MYT1: variants seen among roughly 807,000 people sequenced by gnomAD.
The protein encoded by MYT1 is myelin transcription factor 1.
In MYT1, 23 loss-of-function variants were observed where a neutral mutation model predicts 123.0. The ratio of observed to expected loss-of-function variants is 0.19; its 90% confidence interval spans 0.13 to 0.26. The LOEUF (loss-of-function observed/expected upper bound fraction) is 0.26. Ranked by LOEUF, MYT1 falls within the 10% of genes least tolerant of loss-of-function variation. The pLI, the probability that MYT1 is intolerant of heterozygous loss-of-function variation, is 1.00. For missense variants in MYT1, 1,125 were observed against 1,472.5 expected (o/e 0.76, Z 3.86); for synonymous variants, 518 against 575.3 (o/e 0.90, Z 1.43).
Position 64,208,025 on chromosome 20 carries a change from G to C in MYT1, c.829G>C (p.Glu277Gln). Reference sequence around the variant, plus strand: ...AGAGGAGGAGGAGGAGGATGAAGAAGAGGAAGAGGAAGAGGAGGAGGAAGA... The same window carrying C: ...AGAGGAGGAGGAGGAGGATGAAGAACAGGAAGAGGAAGAGGAGGAGGAAGA... ...EEEEEEEDEE[E>Q]EEEEEEEEEE... Residue 277 changes from glutamate (E) to glutamine (Q), a missense_variant, in exon 7 of 23, where the codon GAG becomes CAG. Physicochemically the swap from Glu to Gln is conservative, Grantham distance 29 (BLOSUM62 2). Around this residue, in one of 4 missense-constraint regions of MYT1, gnomAD observed 406 missense variants for 432.2 expected, o/e 0.94. Coordinates refer to ENST00000328439, the MANE Select transcript of MYT1 (RefSeq NM_004535.3). The surrounding 1 kb of genome is among the most constrained non-coding windows in gnomAD (Gnocchi z 5.4). 1 of 1,592,048 alleles carries C rather than the reference G, an allele frequency of 6.3e-7. No individual in the cohort carries two copies. Among genetic ancestry groups the C allele is most frequent in the Non-Finnish European group, 8.6e-7 (1 of 1,166,768 alleles).
chr20:64,168,455 C>T lies in MYT1; in HGVS notation c.-99+3716C>T, dbSNP rs143958511. Among the ~76,000 whole-genome samples the T allele has an allele frequency of 7.6e-4, 115 of 152,242 alleles. No individual in the cohort carries two copies. Among genetic ancestry groups the T allele is most frequent in the Middle Eastern group, 3.4e-3 (1 of 294 alleles). On this transcript the variant is annotated intron_variant, in intron 1 of 22. Transcript: ENST00000328439. The surrounding 1 kb of genome is among the most constrained non-coding windows in gnomAD (Gnocchi z 6.1). ...CTTAAAAATGCAATGTTATTTTAAT[C>T]GGGAACGAAAGTAACTCAGCGTGCT... is the stretch of plus-strand genomic sequence containing the variant.
At position 64,197,308 on chromosome 20, in the gene MYT1, G is replaced by C. The variant is rs555393032; in HGVS notation, c.1-1554G>C. ...TTTGCAAATTTCATCTTACTAATTGGGGGAATTCCTTTTTCTTTCTTCCCA... is the reference window on the plus strand; with the variant it reads ...TTTGCAAATTTCATCTTACTAATTGCGGGAATTCCTTTTTCTTTCTTCCCA... On this transcript the variant is annotated intron_variant, in intron 2 of 22. Transcript: ENST00000328439. Among the ~76,000 whole-genome samples the C allele has an allele frequency of 3.3e-5, 5 of 152,260 alleles. No individual in the cohort carries two copies. In the East Asian group the frequency reaches 9.7e-4, roughly 29 times the overall value.
intron 3 of MYT1, among the ~76,000 whole-genome samples, chr20:64,199,686 C>A (rs547880991): frequency 6.6e-6 from 1 of 152,288 alleles, no homozygotes; most frequent in South Asian, 2.1e-4. Flanking sequence ...CTTGGGGGAG[C>A]AGCTCACTCT....
Position 64,202,086 on chromosome 20 carries a change from C to G in MYT1, c.86+2164C>G, listed in dbSNP as rs1983339757. On this transcript the variant is annotated intron_variant, in intron 4 of 22. Coordinates refer to ENST00000328439, the MANE Select transcript of MYT1 (RefSeq NM_004535.3). The surrounding 1 kb of genome is among the most constrained non-coding windows in gnomAD (Gnocchi z 5.0). ...GGAACCCCTGTGTGCAGGACTTTCT[C>G]TGTGGATGACTTAACACTGCATTGG... Among the ~76,000 whole-genome samples the G allele has an allele frequency of 7.0e-6, 1 of 143,208 alleles. No individual in the cohort carries two copies. Among genetic ancestry groups the G allele is most frequent in the Non-Finnish European group, 1.5e-5 (1 of 64,590 alleles). 94.0% of individuals were successfully genotyped at this position (143,208 alleles called of 152,430 possible). A position where few individuals can be genotyped will look rare whatever the true frequency, so the allele number is the denominator to read the frequency against.
rs1169294360 is a variant in MYT1, at chr20:64,193,975, A to T, written c.-1+3815A>T. Among the ~76,000 whole-genome samples the T allele has an allele frequency of 2.0e-5, 3 of 151,840 alleles. No homozygotes were observed. The highest frequency in any genetic ancestry group is 4.4e-5 in the Non-Finnish European group (3 of 67,956). ...CCCCCGTGGTGTCAGAATGCCCGGAACCCCCCAGCTCAGCGTTCCCACATA... is the reference window on the plus strand; with the variant it reads ...CCCCCGTGGTGTCAGAATGCCCGGATCCCCCCAGCTCAGCGTTCCCACATA... On this transcript the variant is annotated intron_variant, in intron 2 of 22. Transcript: ENST00000328439. The surrounding 1 kb of genome is among the most constrained non-coding windows in gnomAD (Gnocchi z 4.0).
At position 64,213,409 on chromosome 20, in the gene MYT1, C is replaced by T; in HGVS notation, c.1518-125C>T. On this transcript the variant is annotated intron_variant, in intron 9 of 22. Coordinates refer to ENST00000328439, the MANE Select transcript of MYT1 (RefSeq NM_004535.3). This position sits in a 1 kb window ranked among gnomAD's most constrained non-coding sequence, Gnocchi z 5.6. ...GGGTTATTCCCGGCTCTGGGCTTCT[C>T]TGGAGTTCACCTGGAGTTCTCACAT... is the stretch of plus-strand genomic sequence containing the variant. 1 of 674,194 alleles carries T rather than the reference C, an allele frequency of 1.5e-6. No homozygotes were observed. Among genetic ancestry groups the T allele is most frequent in the South Asian group, 1.8e-5 (1 of 55,082 alleles). 41.8% of individuals were successfully genotyped at this position (674,194 alleles called of 1,614,324 possible).
Position 64,232,086 on chromosome 20 carries a change from T to C in MYT1, c.2676-78T>C. 1 of 1,466,122 alleles carries C rather than the reference T, an allele frequency of 6.8e-7. No individual in the cohort carries two copies. Among genetic ancestry groups the C allele is most frequent in the Non-Finnish European group, 9.4e-7 (1 of 1,059,782 alleles). The allele number at this position is 1,466,122 out of a possible 1,614,324, so 90.8% of individuals were successfully genotyped here. Reference sequence around the variant, plus strand: ...ACGGCTCTGAGTTGGGCTCCCCTTGTGTCTGGCTTGAGAGAGTCTCCAGGC... The same window carrying C: ...ACGGCTCTGAGTTGGGCTCCCCTTGCGTCTGGCTTGAGAGAGTCTCCAGGC... On this transcript the variant is annotated intron_variant, in intron 18 of 22. Transcript: ENST00000328439. This position sits in a 1 kb window ranked among gnomAD's most constrained non-coding sequence, Gnocchi z 6.9.
Position 64,232,095 on chromosome 20 carries a change from T to TGA in MYT1, c.2676-63_2676-62dup. 6.5e-7 allele frequency: 1 copy of TGA among 1,527,182 alleles called. No homozygotes were observed. Among genetic ancestry groups the TGA allele is most frequent in the Non-Finnish European group, 9.0e-7 (1 of 1,110,660 alleles). 94.6% of individuals were successfully genotyped at this position (1,527,182 alleles called of 1,614,324 possible). A position where few individuals can be genotyped will look rare whatever the true frequency, so the allele number is the denominator to read the frequency against. Reference sequence around the variant, plus strand: ...AGTTGGGCTCCCCTTGTGTCTGGCTTGAGAGAGTCTCCAGGCTTCTCCTCC... The same window carrying TGA: ...AGTTGGGCTCCCCTTGTGTCTGGCTTGAGAGAGAGTCTCCAGGCTTCTCCTCC... On this transcript the variant is annotated intron_variant, in intron 18 of 22. Coordinates refer to ENST00000328439, the MANE Select transcript of MYT1 (RefSeq NM_004535.3). The surrounding 1 kb of genome is among the most constrained non-coding windows in gnomAD (Gnocchi z 6.9).
At position 64,227,906 on chromosome 20, in the gene MYT1, T is replaced by C. The variant is rs774345679; in HGVS notation, c.2610T>C (p.Arg870=). Residue 870 remains arginine (R), a synonymous_variant, in exon 18 of 23, where the codon CGT becomes CGC. Transcript: ENST00000328439. ...ASHRSLSGCP[R]AKKSGVKVAP... ...AAATCAGCTTGTCCGGCTGCCCTCG[T>C]GCAAAGAAAAGTGGAGTCAAGGTGG... The C allele has an allele frequency of 2.7e-5, 44 of 1,613,302 alleles. No individual in the cohort carries two copies. The highest frequency in any genetic ancestry group is 5.1e-6 in the Non-Finnish European group (6 of 1,179,798).
rs1278477894 is a variant in MYT1 at position 64,170,928 on chromosome 20, G to T, written c.-99+6189G>T. ...AGAGAGAGAGAGAGAGAGAGAGAGA[G>T]AGAGAGACGGAGTCTTGCTCTGTTG... On this transcript the variant is annotated intron_variant, in intron 1 of 22. Coordinates refer to ENST00000328439, the MANE Select transcript of MYT1 (RefSeq NM_004535.3). 1.9e-4 allele frequency among the ~76,000 whole-genome samples: 26 copies of T among 133,996 alleles called. 1 individual carries two copies. The highest frequency in any genetic ancestry group is 7.4e-4 in the African/African-American group (25 of 33,704). 87.9% of individuals were successfully genotyped at this position (133,996 alleles called of 152,430 possible). A position where few individuals can be genotyped will look rare whatever the true frequency, so the allele number is the denominator to read the frequency against.
At chr20:64,216,028 G>T (rs1983829495) in intron 10 of MYT1, among the ~76,000 whole-genome samples, 1 of 152,206 alleles carries the variant, frequency 6.6e-6, no homozygotes, top group Non-Finnish European at 1.5e-5. Flanking sequence ...CGTCCTGGTA[G>T]TGTTCAGTTC....
chr20:64,210,063 G>A lies in MYT1; in HGVS notation c.1292-1143G>A, dbSNP rs553811905. On this transcript the variant is annotated intron_variant, in intron 7 of 22. Coordinates refer to ENST00000328439, the MANE Select transcript of MYT1 (RefSeq NM_004535.3). ...AGCCTGGCTGTGGTGTGCTTGGGCCGCACAGATCAGCGCAGAATTTGGTGG... is the reference window on the plus strand; with the variant it reads ...AGCCTGGCTGTGGTGTGCTTGGGCCACACAGATCAGCGCAGAATTTGGTGG... 1.7e-4 allele frequency among the ~76,000 whole-genome samples: 26 copies of A among 152,214 alleles called. No homozygotes were observed. In the East Asian group the frequency reaches 2.5e-3, roughly 15 times the overall value.
At chr20:64,229,985 A>G (rs754403155) in intron 18 of MYT1, among the ~76,000 whole-genome samples, 4 of 152,064 alleles carry the variant, frequency 2.6e-5, no homozygotes, top group Non-Finnish European at 5.9e-5. Context: ...ACGTGATAGG[A>G]AACACTAGCT....
At chr20:64,223,445 T>C in intron 16 of MYT1, 86 bp downstream of exon 16, 1 of 1,471,842 alleles carries the variant, frequency 6.8e-7, no homozygotes, top group Non-Finnish European at 9.5e-7. Flanking sequence ...AAAATCAGCC[T>C]TCTCCAAGGT....
intron 1 of MYT1, among the ~76,000 whole-genome samples, chr20:64,172,176 G>GC (rs1316156702): frequency 6.6e-6 from 1 of 151,560 alleles, no homozygotes; most frequent in African/African-American, 2.4e-5. Context: ...ACATCCCCCC[G>GC]CCCCCCACAA....
At chr20:64,225,756 G>A (rs1984152218) in intron 16 of MYT1, among the ~76,000 whole-genome samples, 4 of 152,046 alleles carry the variant, frequency 2.6e-5, no homozygotes, top group Admixed American at 2.6e-4. Context: ...GCATGCAGAG[G>A]GGACACCTGC....
intron 8 of MYT1, among the ~76,000 whole-genome samples, 157 bp downstream of exon 8, chr20:64,211,497 C>G (rs541756065): frequency 3.7e-4 from 56 of 152,218 alleles, no homozygotes; most frequent in Non-Finnish European, 2.8e-4. Flanking sequence ...CGCTTTCCCC[C>G]ACAAACTCCC....
At chr20:64,194,633 G>A (rs1295551190) in intron 2 of MYT1, among the ~76,000 whole-genome samples, 2 of 152,230 alleles carry the variant, frequency 1.3e-5, no homozygotes, top group African/African-American at 4.8e-5. Flanking sequence ...GTCCTGGGAG[G>A]AAGCATGAAA....
In MYT1 at chr20:64,212,193, G is replaced by GGC; in HGVS notation, c.1517+55_1517+56insGC. On this transcript the variant is annotated intron_variant, in intron 9 of 22. Coordinates refer to ENST00000328439, the MANE Select transcript of MYT1 (RefSeq NM_004535.3). This position sits in a 1 kb window ranked among gnomAD's most constrained non-coding sequence, Gnocchi z 6.8. The stretch of plus-strand genomic sequence containing the variant: ...GGCCAGGGTGGGGGCCGTGGTGGGG[G>GGC]CCAGGGTGGGGGCCGTGGTGGGGGC... 3.0e-6 allele frequency: 1 copy of GGC among 329,344 alleles called. No individual in the cohort carries two copies. Among genetic ancestry groups the GGC allele is most frequent in the Non-Finnish European group, 5.5e-6 (1 of 182,680 alleles). The allele number at this position is 329,344 out of a possible 1,614,324, so 20.4% of individuals were successfully genotyped here. A position where few individuals can be genotyped will look rare whatever the true frequency, so the allele number is the denominator to read the frequency against.
Sources: gnomAD v4.1 joint callset for allele counts (sites outside exome capture counted in the v4.1 genomes callset) on GRCh38, gnomAD v4.1.1 for gene constraint, gnomAD v4.1.1 regional missense constraint, Gnocchi (gnomAD v3.1) non-coding constraint, MANE v1.5 for transcripts, NCBI Gene and HGNC (gene_info 2026-07-23, HGNC 2026-07-21) for gene names.